Variants in KYNU observed in about 807,000 individuals in gnomAD.
KYNU encodes L-kynurenine hydrolase.
In KYNU, 54 loss-of-function variants were observed where a neutral mutation model predicts 59.2. The observed-to-expected ratio is 0.91, with a 90% CI of 0.73 to 1.14. The LOEUF is 1.14. Among genes scored for constraint, KYNU ranks in the 50% most tolerant of loss-of-function variants. The pLI, the probability that KYNU is intolerant of heterozygous loss-of-function variation, is 0.00. For missense variants in KYNU, 567 were observed against 554.4 expected, an observed-to-expected ratio of 1.02 and a Z score of -0.23; for synonymous variants, 177 against 192.0, an observed-to-expected ratio of 0.92 and a Z score of 0.65.
intron 8 of KYNU, among the ~76,000 whole-genome samples, chr2:142,975,064 T>G (rs1040902177): frequency 1.3e-5 from 2 of 152,118 alleles, no homozygotes; most frequent in African/African-American, 4.8e-5. Context: ...GGCCTCACCC[T>G]CAAGCCTGGA....
At chr2:142,979,948 T>C (rs1558956805) in intron 8 of KYNU, among the ~76,000 whole-genome samples, 1 of 152,106 alleles carries the variant, frequency 6.6e-6, no homozygotes, top group Non-Finnish European at 1.5e-5. Flanking sequence ...AATAAAAGAA[T>C]GTCTACTCCA....
chr2:143,042,479 AT>A lies in KYNU; in HGVS notation c.*310del, dbSNP rs1687082955. ...ATGTTTTATGTTGGTTTAATTTCTG[AT>A]TTAACTGACAACTTCATAATGTATG... On this transcript the variant is annotated 3_prime_UTR_variant, in exon 14 of 14. Coordinates refer to ENST00000264170, the MANE Select transcript of KYNU (RefSeq NM_003937.3). The A allele has an allele frequency of 4.6e-6, 1 of 218,242 alleles. No individual in the cohort carries two copies. Among genetic ancestry groups the A allele is most frequent in the African/African-American group, 2.3e-5 (1 of 42,618 alleles). 13.5% of individuals were successfully genotyped at this position (218,242 alleles called of 1,614,324 possible).
chr2:142,956,151 A>G (rs1684156243), intron 5 of KYNU, 52 bp from the exon 6 acceptor site: 6 of 992,146 alleles, frequency 6.0e-6, no homozygotes, highest in Non-Finnish European at 9.6e-6. Flanking sequence ...TAAAATGAAC[A>G]AATGTATAAA....
At chr2:142,887,399 T>C (rs1326918691) in intron 2 of KYNU, among the ~76,000 whole-genome samples, 1 of 152,090 alleles carries the variant, frequency 6.6e-6, no homozygotes, top group Non-Finnish European at 1.5e-5. Context: ...GGCAGTTTCC[T>C]CAAAAACCAA....
intron 11 of KYNU, among the ~76,000 whole-genome samples, chr2:143,030,083 G>C (rs545383096): frequency 6.6e-6 from 1 of 152,174 alleles, no homozygotes; most frequent in African/African-American, 2.4e-5. Flanking sequence ...ATATCATCTT[G>C]TGTCATTGTT....
intron 3 of KYNU, among the ~76,000 whole-genome samples, chr2:142,922,109 G>T (rs1209356077): frequency 6.6e-6 from 1 of 152,172 alleles, no homozygotes; most frequent in East Asian, 1.9e-4. Context: ...ACCAATGGAA[G>T]ATTATGGGAA....
intron 8 of KYNU, among the ~76,000 whole-genome samples, chr2:142,984,783 C>G (rs1685152094): frequency 6.6e-6 from 1 of 152,016 alleles, no homozygotes; most frequent in Non-Finnish European, 1.5e-5. Context: ...TTCGGTACCG[C>G]TGCCTTGGCT....
intron 2 of KYNU, among the ~76,000 whole-genome samples, chr2:142,904,084 T>G (rs1034358313): frequency 6.6e-6 from 1 of 152,154 alleles, no homozygotes; most frequent in African/African-American, 2.4e-5. Context: ...ACTTTTAAAG[T>G]TTTTTTCTAA....
chr2:142,903,672 G>A (rs1435712405), intron 2 of KYNU, among the ~76,000 whole-genome samples: 2 of 152,126 alleles, frequency 1.3e-5, no homozygotes, highest in African/African-American at 4.8e-5. Context: ...GATGGCATGG[G>A]CTGGCGCTTG....
At chr2:143,033,463 C>A in intron 12 of KYNU, 142 bp downstream of exon 12, 1 of 768,226 alleles carries the variant, frequency 1.3e-6, no homozygotes, top group East Asian at 2.5e-5. Flanking sequence ...GCAGCATTCC[C>A]CTTTAGGACA....
rs1684311958 is a variant in KYNU at position 142,960,653 on chromosome 2, C to T, written c.612C>T (p.Ile204=). The T allele has an allele frequency of 6.2e-7, 1 of 1,613,528 alleles. No homozygotes were observed. Among genetic ancestry groups the T allele is most frequent in the Non-Finnish European group, 8.5e-7 (1 of 1,179,722 alleles). Residue 204 remains isoleucine, a synonymous_variant, in exon 8 of 14, where the codon ATC becomes ATT. Transcript: ENST00000264170. ...EGEETLRIED[I]LEVIEKEGDS... ...AAGAAACCTTAAGAATAGAGGATATCCTTGAAGTAATTGAGAAGGAAGGAG... is the reference window on the plus strand; with the variant it reads ...AAGAAACCTTAAGAATAGAGGATATTCTTGAAGTAATTGAGAAGGAAGGAG...
intron 8 of KYNU, among the ~76,000 whole-genome samples, chr2:142,971,830 A>G (rs984504241): frequency 2.0e-5 from 3 of 152,224 alleles, no homozygotes; most frequent in Non-Finnish European, 4.4e-5. Context: ...TCTACAGAAT[A>G]ACTTATAATG....
rs60854220 is a variant in KYNU at position 142,912,371 on chromosome 2, CTTTTTTTT to C, written c.170-6220_170-6213del. On this transcript the variant is annotated intron_variant, in intron 2 of 13. Coordinates refer to ENST00000264170, the MANE Select transcript of KYNU (RefSeq NM_003937.3). Reference sequence around the variant, plus strand: ...GAGTCTCTAAGGATCTTTTGTATTTCTTTTTTTTTTTTTTTTTTTTTTTTTGAGATGGA... The same window carrying C: ...GAGTCTCTAAGGATCTTTTGTATTTCTTTTTTTTTTTTTTTTTGAGATGGA... 6.4e-4 allele frequency among the ~76,000 whole-genome samples: 57 copies of C among 89,508 alleles called. 1 individual carries two copies. The highest frequency in any genetic ancestry group is 1.8e-3 in the Admixed American group (14 of 7,730). The allele number at this position is 89,508 out of a possible 152,430, so 58.7% of individuals were successfully genotyped here.
intron 10 of KYNU, 131 bp from the exon 11 acceptor site, chr2:143,029,492 ACAAG>A (rs1295569296): frequency 1.5e-6 from 1 of 680,656 alleles, no homozygotes; most frequent in East Asian, 2.8e-5. Context: ...AGGCTAAGGC[ACAAG>A]AATCGCTTGA....
At chr2:143,033,143 A>C (rs1686805695) in intron 11 of KYNU, 93 bp from the exon 12 acceptor site, 1 of 877,902 alleles carries the variant, frequency 1.1e-6, no homozygotes, top group Non-Finnish European at 1.9e-6. Flanking sequence ...AGAAAAGTTT[A>C]AGTCTTGCTC....
chr2:142,989,384 A>G, intron 10 of KYNU: 1 of 993,572 alleles, frequency 1.0e-6, no homozygotes, highest in South Asian at 4.5e-5. Flanking sequence ...TAAAGTGTCC[A>G]GTATGTAGCC....
chr2:142,959,366 C>G (rs933584680), intron 7 of KYNU, among the ~76,000 whole-genome samples: 1 of 152,104 alleles, frequency 6.6e-6, no homozygotes, highest in Admixed American at 6.6e-5. Flanking sequence ...ACAGGCAGAT[C>G]ACGTGAGGCC....
intron 8 of KYNU, among the ~76,000 whole-genome samples, chr2:142,965,013 C>G (rs1258301102): frequency 6.6e-6 from 1 of 152,136 alleles, no homozygotes; most frequent in Non-Finnish European, 1.5e-5. Context: ...GAACTTCTTT[C>G]CTACACCCAC....
At chr2:142,906,651 G>A (rs375994857) in intron 2 of KYNU, among the ~76,000 whole-genome samples, 12 of 152,118 alleles carry the variant, frequency 7.9e-5, no homozygotes, top group East Asian at 3.9e-4. Context: ...GTATCTAGGA[G>A]GCAGGGATTG....
Sources: allele counts gnomAD v4.1 joint callset (sites outside exome capture counted in the v4.1 genomes callset), GRCh38; gene constraint gnomAD v4.1.1; transcripts MANE v1.5; gene names NCBI Gene and HGNC (gene_info 2026-07-23, HGNC 2026-07-21).